The following MTA1 variants were observed in gnomAD, a reference collection of about 807,000 sequenced individuals.
MTA1 encodes the protein metastasis-associated protein MTA1.
A neutral mutation model predicts 97.0 loss-of-function variants in MTA1; 15 were observed. The ratio of observed to expected loss-of-function variants is 0.15; its 90% CI spans 0.10 to 0.24. The LOEUF (loss-of-function observed/expected upper bound fraction) is 0.24, where lower values mean the gene tolerates loss of function less well. MTA1 is among the 10% of genes least tolerant of loss of function. The pLI, the probability that MTA1 is intolerant of heterozygous loss-of-function variation, is 1.00. For missense variants in MTA1, 709 were observed against 1,015.1 expected (o/e 0.70, Z 4.10); for synonymous variants, 435 against 417.5 (o/e 1.04, Z -0.51).
chr14:105,447,680 G>A lies in MTA1; in HGVS notation c.191-1679G>A, dbSNP rs142839772. Among the ~76,000 whole-genome samples the A allele has an allele frequency of 8.0e-4, 122 of 152,322 alleles. 3 individuals carry two copies. The East Asian group carries it at 0.013, about 16-fold the overall frequency. ...TGGAAAGCTGCGTGGCGGCCCCTCTGCAGGGCGTTCCTATGAACTGAGAGC... is the reference window on the plus strand; with the variant it reads ...TGGAAAGCTGCGTGGCGGCCCCTCTACAGGGCGTTCCTATGAACTGAGAGC... On this transcript the variant is annotated intron_variant, in intron 3 of 20. Transcript: ENST00000331320.
At chr14:105,449,270 G>A (rs1214438197) in intron 3 of MTA1, 89 bp from the exon 4 acceptor site, 16 of 1,382,852 alleles carry the variant, frequency 1.2e-5, no homozygotes, top group Non-Finnish European at 1.4e-5. Context: ...GCCCCCTGGC[G>A]GCACAGCCCT....
intron 3 of MTA1, 44 bp from the exon 4 acceptor site, chr14:105,449,315 C>G: frequency 1.9e-6 from 3 of 1,598,428 alleles, no homozygotes; most frequent in Non-Finnish European, 2.6e-6. Flanking sequence ...AGGCCGCCAC[C>G]CTGTGCTGAC....
intron 6 of MTA1, 85 bp downstream of exon 6, chr14:105,450,409 G>A (rs782689493): frequency 4.1e-5 from 59 of 1,446,100 alleles, no homozygotes; most frequent in East Asian, 3.5e-4. Flanking sequence ...CCTGGGCGGC[G>A]GAGACGATTT....
rs180735043 is a variant in MTA1, at chr14:105,428,401, C to T, written c.28+8338C>T. 7.9e-5 allele frequency among the ~76,000 whole-genome samples: 12 copies of T among 152,196 alleles called. No individual in the cohort carries two copies. The East Asian group carries it at 2.3e-3, about 29-fold the overall frequency. ...CACCTCCCAGGCTCAAGTGATCCTT[C>T]CACCTCAGCCTCCTGAACAGCCGGG... is the stretch of plus-strand genomic sequence containing the variant. On this transcript the variant is annotated intron_variant, in intron 1 of 20. Transcript: ENST00000331320.
intron 2 of MTA1, among the ~76,000 whole-genome samples, chr14:105,443,174 A>G (rs1555426222): frequency 6.6e-6 from 1 of 152,148 alleles, no homozygotes; most frequent in East Asian, 1.9e-4. Flanking sequence ...CTCGACCTGC[A>G]GGAGGGTCAG....
intron 6 of MTA1, among the ~76,000 whole-genome samples, chr14:105,451,577 G>T (rs1443017085): frequency 6.6e-6 from 1 of 152,192 alleles, no homozygotes; most frequent in Non-Finnish European, 1.5e-5. Flanking sequence ...TGAGACTGCA[G>T]AAATGTATCT....
At chr14:105,445,293 C>A in intron 2 of MTA1, 125 bp from the exon 3 acceptor site, 1 of 772,326 alleles carries the variant, frequency 1.3e-6, no homozygotes. Flanking sequence ...TCCTGGAGTC[C>A]CGAGGGGTGG....
At chr14:105,426,276 G>C (rs1264147972) in intron 1 of MTA1, among the ~76,000 whole-genome samples, 4 of 149,002 alleles carry the variant, frequency 2.7e-5, no homozygotes, top group African/African-American at 7.4e-5. Flanking sequence ...GCGGCTCCTG[G>C]TACCAAGCAT....
At chr14:105,441,887 T>A (rs7151927) in intron 2 of MTA1, among the ~76,000 whole-genome samples, 150,986 of 152,360 alleles carry the variant, frequency 0.99, 74,824 homozygotes, top group East Asian at 1. Context: ...GAATGTTCTC[T>A]GAGAAATGGA....
intron 3 of MTA1, 143 bp from the exon 4 acceptor site, chr14:105,449,216 G>T (rs948946014): frequency 7.0e-5 from 48 of 684,272 alleles, no homozygotes; most frequent in Admixed American, 6.1e-4. Flanking sequence ...CAACCGGGTG[G>T]TCTTCACGCC....
In MTA1 at chr14:105,457,928, A is replaced by AAATAAT. The variant is rs587603915; in HGVS notation, c.551-322_551-317dup. Among the ~76,000 whole-genome samples the AAATAAT allele has an allele frequency of 3.6e-4, 55 of 150,692 alleles. No homozygotes were observed. In the South Asian group the frequency reaches 4.8e-3, roughly 13 times the overall value. On this transcript the variant is annotated intron_variant, in intron 7 of 20. Transcript: ENST00000331320. ...CGACAGAGTGAGACTCCGTCTCAAA[A>AAATAAT]AATAATAATAATAATAATAATAATA...
In MTA1 at chr14:105,470,464, C is replaced by A. The variant is rs1219623579; in HGVS notation, c.*249C>A. 9.1e-6 allele frequency: 4 copies of A among 437,804 alleles called. No individual in the cohort carries two copies. The highest frequency in any genetic ancestry group is 8.5e-5 in the African/African-American group (4 of 46,920). 27.1% of individuals were successfully genotyped at this position (437,804 alleles called of 1,614,324 possible). ...TGGCTGGAGCGGAGATGAGGGGCCA[C>A]CCCGTGCCCCTGTGCTGCGGGGCCT... On this transcript the variant is annotated 3_prime_UTR_variant, in exon 21 of 21. Transcript: ENST00000331320.
chr14:105,421,629 C>A (rs1343968337), intron 1 of MTA1, among the ~76,000 whole-genome samples: 1 of 152,220 alleles, frequency 6.6e-6, no homozygotes, highest in Non-Finnish European at 1.5e-5. Context: ...GTGATCTTGG[C>A]GCCAGCCTGG....
At chr14:105,456,371 C>T (rs1555429911) in intron 7 of MTA1, among the ~76,000 whole-genome samples, 1 of 152,244 alleles carries the variant, frequency 6.6e-6, no homozygotes, top group East Asian at 1.9e-4. Context: ...TTACCATGCA[C>T]ACCTGGAGAG....
chr14:105,430,529 C>A (rs1395073044), intron 1 of MTA1, among the ~76,000 whole-genome samples: 1 of 152,134 alleles, frequency 6.6e-6, no homozygotes, highest in Admixed American at 6.6e-5. Context: ...CAAAACGTGA[C>A]AGCAACACGT....
Position 105,464,875 on chromosome 14 carries a change from C to T in MTA1, c.1534+12C>T. On this transcript the variant is annotated intron_variant, in intron 15 of 20. Transcript: ENST00000331320. ...CATCAAGGCCGAGTGTGAGTCACCC[C>T]AACGCCCCGCTTACTCTGTTCCTGC... The T allele has an allele frequency of 1.9e-6, 3 of 1,554,312 alleles. No homozygotes were observed. The highest frequency in any genetic ancestry group is 1.4e-5 in the African/African-American group (1 of 73,474).
chr14:105,469,924 C>T lies in MTA1; in HGVS notation c.1929C>T (p.Val643=). The change falls in exon 20 of 21, where the codon GTC becomes GTT. Residue 643 remains valine (V), a synonymous_variant. Coordinates refer to ENST00000331320, the MANE Select transcript of MTA1 (RefSeq NM_004689.4). ...TCCGGGGGGGCTCCCTGCCCCCAGT[C>T]AAGCGGCGGCGGATGAACTGGATCG... ...RLIRGGSLPP[V]KRRRMNWIDA... 6.2e-7 allele frequency: 1 copy of T among 1,612,172 alleles called. No individual in the cohort carries two copies. The highest frequency in any genetic ancestry group is 8.5e-7 in the Non-Finnish European group (1 of 1,179,672).
rs80034853 is a variant in MTA1 at position 105,424,793 on chromosome 14, G to A, written c.28+4730G>A. ...TTACAGGCGTGAGCCACGGTGCCTG[G>A]CCCCATATTGTTCTGAGTGGAGAAT... On this transcript the variant is annotated intron_variant, in intron 1 of 20. Transcript: ENST00000331320. The surrounding 1 kb of genome is among the most constrained non-coding windows in gnomAD (Gnocchi z 4.0). Among the ~76,000 whole-genome samples, 30 of 152,354 alleles carry A rather than the reference G, an allele frequency of 2.0e-4. No individual in the cohort carries two copies. In the East Asian group the frequency reaches 5.6e-3, roughly 28 times the overall value.
chr14:105,463,664 A>T lies in MTA1; in HGVS notation c.1076+113A>T. ...GAAACTCAAGCTCAGAGGCTGGGAA[A>T]GTTGGGGCAGCCCCCGGGAGGGCGG... On this transcript the variant is annotated intron_variant, in intron 12 of 20. Coordinates refer to ENST00000331320, the MANE Select transcript of MTA1 (RefSeq NM_004689.4). The surrounding 1 kb of genome is among the most constrained non-coding windows in gnomAD (Gnocchi z 5.9). The T allele has an allele frequency of 8.9e-7, 1 of 1,124,022 alleles. No individual in the cohort carries two copies. Among genetic ancestry groups the T allele is most frequent in the Non-Finnish European group, 1.3e-6 (1 of 760,534 alleles). 69.6% of individuals were successfully genotyped at this position (1,124,022 alleles called of 1,614,324 possible).
Sources: allele counts gnomAD v4.1 joint callset (sites outside exome capture counted in the v4.1 genomes callset), GRCh38; gene constraint gnomAD v4.1.1; non-coding constraint Gnocchi (gnomAD v3.1); transcripts MANE v1.5; gene names NCBI Gene and HGNC (gene_info 2026-07-23, HGNC 2026-07-21).